RNLS: variants seen among roughly 807,000 people sequenced by gnomAD.
The protein encoded by RNLS is renalase, FAD dependent amine oxidase.
In RNLS, 39 loss-of-function variants were observed where a neutral mutation model predicts 39.8. That is an observed-to-expected ratio of 0.98 (90% confidence interval 0.76 to 1.28). The LOEUF is 1.28. RNLS is among the 50% of genes most tolerant of loss of function. The probability of loss-of-function intolerance (pLI) is 0.00; values close to 1 mark genes in which losing one functional copy is unlikely to be tolerated. For missense variants in RNLS, 410 were observed against 413.3 expected, an observed-to-expected ratio of 0.99 and a Z score of 0.07; for synonymous variants, 147 against 150.7, an observed-to-expected ratio of 0.98 and a Z score of 0.18.
intron 4 of RNLS, among the ~76,000 whole-genome samples, chr10:88,449,663 T>C (rs1842253582): frequency 6.6e-6 from 1 of 152,196 alleles, no homozygotes; most frequent in Non-Finnish European, 1.5e-5. Flanking sequence ...AAAAGACGTC[T>C]CTGACTTCTC....
chr10:88,342,273 G>T (rs1182973660), intron 5 of RNLS, among the ~76,000 whole-genome samples: 1 of 152,314 alleles, frequency 6.6e-6, no homozygotes, highest in East Asian at 1.9e-4. Flanking sequence ...CGCCTTTGTA[G>T]CAGTAAGATT....
chr10:88,280,629 A>G (rs142374155), downstream of RNLS, among the ~76,000 whole-genome samples: 1 of 152,270 alleles, frequency 6.6e-6, no homozygotes, highest in African/African-American at 2.4e-5. Context: ...AAAAACACTT[A>G]TCTCTACTGC....
the RNLS span, among the ~76,000 whole-genome samples, chr10:88,210,585 C>T: frequency 0.012 from 1,778 of 152,242 alleles, 22 homozygotes; most frequent in African/African-American, 0.036. Flanking sequence ...ACATTTACCA[C>T]GCACATAATC....
intron 4 of RNLS, among the ~76,000 whole-genome samples, chr10:88,487,918 CAA>C (rs1246884402): frequency 2.0e-5 from 3 of 152,026 alleles, no homozygotes; most frequent in African/African-American, 7.2e-5. Flanking sequence ...TTGATGCATA[CAA>C]TAATGCAGAT....
chr10:88,202,192 G>A, the RNLS span, among the ~76,000 whole-genome samples: 8 of 150,370 alleles, frequency 5.3e-5, no homozygotes, highest in African/African-American at 1.7e-4. Context: ...GCAAACTATC[G>A]CAAGGACAAA....
rs141033709 is a variant in RNLS at position 88,496,665 on chromosome 10, C to T, written c.526+76238G>A. ...CCATCCCCACATGCAACAGACAACA[C>T]ACAGCATTCCTTCTAAAGAACACTT... On this transcript the variant is annotated intron_variant, in intron 4 of 6. Transcript: ENST00000331772. Among the ~76,000 whole-genome samples the T allele has an allele frequency of 4.7e-3, 711 of 152,226 alleles. 7 individuals are homozygous for T. The highest frequency in any genetic ancestry group is 0.027 in the Middle Eastern group (8 of 294).
intron 5 of RNLS, among the ~76,000 whole-genome samples, chr10:88,347,783 G>A (rs886821654): frequency 2.6e-5 from 4 of 151,846 alleles, no homozygotes; most frequent in African/African-American, 4.8e-5. Flanking sequence ...TTTTCTTTTC[G>A]CCCTTTCTTT....
intron 4 of RNLS, among the ~76,000 whole-genome samples, chr10:88,453,415 AC>A (rs1842460151): frequency 6.6e-6 from 1 of 152,160 alleles, no homozygotes; most frequent in Non-Finnish European, 1.5e-5. Flanking sequence ...CATTTAGGGA[AC>A]TTTAAGGAGT....
At chr10:88,477,747 T>C (rs1843901483) in intron 4 of RNLS, among the ~76,000 whole-genome samples, 1 of 152,240 alleles carries the variant, frequency 6.6e-6, no homozygotes, top group Non-Finnish European at 1.5e-5. Context: ...GGTGCTATCA[T>C]GATCTTTGTT....
chr10:88,368,458 G>A (rs1251573788), intron 4 of RNLS, among the ~76,000 whole-genome samples: 3 of 151,996 alleles, frequency 2.0e-5, no homozygotes, highest in Non-Finnish European at 2.9e-5. Context: ...TGGCAAGTAG[G>A]CAAGGATATA....
intron 4 of RNLS, among the ~76,000 whole-genome samples, chr10:88,483,644 T>C (rs1844333106): frequency 6.6e-6 from 1 of 152,154 alleles, no homozygotes. Context: ...GCGTTTTTTA[T>C]ATTTCTGTTT....
chr10:88,570,963 CTTTTT>C (rs1179336519), intron 4 of RNLS, among the ~76,000 whole-genome samples: 2 of 96,784 alleles, frequency 2.1e-5, no homozygotes, highest in Admixed American at 2.1e-4. Flanking sequence ...GTTGTATATT[CTTTTT>C]TTTTTTTTTT....
At chr10:88,173,131 T>A in the RNLS span, among the ~76,000 whole-genome samples, 3 of 152,094 alleles carry the variant, frequency 2.0e-5, no homozygotes, top group Non-Finnish European at 4.4e-5. Flanking sequence ...GTGCTGGGAT[T>A]ACAGGCATAA....
At chr10:88,342,346 A>T (rs1003113440) in intron 5 of RNLS, among the ~76,000 whole-genome samples, 7 of 152,228 alleles carry the variant, frequency 4.6e-5, no homozygotes, top group African/African-American at 1.7e-4. Context: ...TAGAACTTTT[A>T]AAATGACCTA....
chr10:88,344,146 G>A (rs1848156589), intron 5 of RNLS, among the ~76,000 whole-genome samples: 1 of 152,180 alleles, frequency 6.6e-6, no homozygotes. Flanking sequence ...ATACTGGTTT[G>A]CCTCTAAGGA....
At chr10:88,467,607 C>T (rs551598221) in intron 4 of RNLS, among the ~76,000 whole-genome samples, 1 of 152,020 alleles carries the variant, frequency 6.6e-6, no homozygotes, top group African/African-American at 2.4e-5. Context: ...ATTTACCAAC[C>T]TTTTGCTCTA....
intron 5 of RNLS, among the ~76,000 whole-genome samples, chr10:88,350,064 C>A (rs149869058): frequency 6.6e-6 from 1 of 152,056 alleles, no homozygotes; most frequent in South Asian, 2.1e-4. Context: ...AAACGGGAAA[C>A]CTGACAGTTT....
chr10:88,333,674 A>G (rs1038389955), intron 5 of RNLS, among the ~76,000 whole-genome samples: 3 of 152,144 alleles, frequency 2.0e-5, no homozygotes, highest in African/African-American at 7.2e-5. Context: ...CAACAAACAC[A>G]TTTATTCTGT....
At chr10:88,180,601 A>G in the RNLS span, among the ~76,000 whole-genome samples, 2 of 152,344 alleles carry the variant, frequency 1.3e-5, no homozygotes, top group South Asian at 4.1e-4. Flanking sequence ...TGTTGTAGAT[A>G]ATATACTTAT....
Sources: gnomAD v4.1 joint callset for allele counts (sites outside exome capture counted in the v4.1 genomes callset) on GRCh38, gnomAD v4.1.1 for gene constraint, MANE v1.5 for transcripts, NCBI Gene and HGNC (gene_info 2026-07-23, HGNC 2026-07-21) for gene names.